The following PELI2 variants were observed in gnomAD, a reference collection of about 807,000 sequenced individuals.
The protein encoded by PELI2 is E3 ubiquitin-protein ligase pellino homolog 2.
In PELI2, 23 loss-of-function variants were observed where a neutral mutation model predicts 42.3. That is an observed-to-expected ratio of 0.54 (90% CI 0.39 to 0.77). The LOEUF (loss-of-function observed/expected upper bound fraction) is 0.77. PELI2 is among the 30% of genes least tolerant of loss of function. The pLI is 0.00. For missense variants in PELI2, 463 were observed against 553.2 expected (o/e 0.84, Z 1.64); for synonymous variants, 245 against 212.2 (o/e 1.15, Z -1.34).
At chr14:56,232,837 C>T (rs1887637600) in intron 2 of PELI2, among the ~76,000 whole-genome samples, 1 of 150,208 alleles carries the variant, frequency 6.7e-6, no homozygotes, top group South Asian at 2.2e-4. Flanking sequence ...TTGCAGATGA[C>T]ATGATTGTCT....
intron 1 of PELI2, among the ~76,000 whole-genome samples, chr14:56,168,272 C>G (rs1405221443): frequency 6.6e-6 from 1 of 150,572 alleles, no homozygotes; most frequent in Non-Finnish European, 1.5e-5. Context: ...TGCCCCCCCC[C>G]AGACCCTGGG....
rs371989404 is a variant in PELI2 at position 56,288,595 on chromosome 14, C to A, written c.468C>A (p.Phe156Leu). Residue 156 changes from phenylalanine (F) to leucine (L), a missense_variant, in exon 4 of 6, where the codon TTC (phenylalanine) becomes TTA (leucine). Physicochemically the swap from Phe to Leu is conservative, Grantham distance 22. Transcript: ENST00000267460. The surrounding 1 kb of genome is among the most constrained non-coding windows in gnomAD (Gnocchi z 4.6). ...DRNEPYTARI[F>L]AAGFDSSKNI... The stretch of plus-strand genomic sequence containing the variant: ...ATGAACCTTACACAGCACGGATATT[C>A]GCCGCCGGATTTGACTCTTCCAAAA... 1.2e-6 allele frequency: 2 copies of A among 1,613,820 alleles called. No homozygotes were observed. Among genetic ancestry groups the A allele is most frequent in the African/African-American group, 2.7e-5 (2 of 75,010 alleles).
intron 1 of PELI2, among the ~76,000 whole-genome samples, chr14:56,123,665 T>C (rs1426409891): frequency 6.6e-6 from 1 of 152,252 alleles, no homozygotes; most frequent in African/African-American, 2.4e-5. Flanking sequence ...ATTAGGTCTT[T>C]TCATTTCTGG....
chr14:56,254,962 C>T lies in PELI2; in HGVS notation c.208-24714C>T, dbSNP rs535966990. Among the ~76,000 whole-genome samples the T allele has an allele frequency of 3.1e-4, 47 of 152,264 alleles. 1 individual carries two copies. Among genetic ancestry groups the T allele is most frequent in the African/African-American group, 1.0e-3 (42 of 41,546 alleles). Reference sequence around the variant, plus strand: ...TACCATCTCACACCAGTTAGAGTGGCGACCATTACAAAGTCAAGAAACAAC... The same window carrying T: ...TACCATCTCACACCAGTTAGAGTGGTGACCATTACAAAGTCAAGAAACAAC... On this transcript the variant is annotated intron_variant, in intron 2 of 5. Coordinates refer to ENST00000267460, the MANE Select transcript of PELI2 (RefSeq NM_021255.3).
chr14:56,272,736 A>G (rs1312450571), intron 2 of PELI2, among the ~76,000 whole-genome samples: 3 of 152,216 alleles, frequency 2.0e-5, no homozygotes, highest in Non-Finnish European at 4.4e-5. Context: ...TCACAATAAA[A>G]ATGCATATTT....
chr14:56,178,850 G>A (rs1321167154), intron 2 of PELI2, among the ~76,000 whole-genome samples: 1 of 152,172 alleles, frequency 6.6e-6, no homozygotes. Flanking sequence ...GAAATGTGAT[G>A]TTCTTTATCC....
intron 1 of PELI2, among the ~76,000 whole-genome samples, chr14:56,127,671 C>A (rs1883324582): frequency 1.3e-5 from 2 of 152,202 alleles, no homozygotes; most frequent in Admixed American, 1.3e-4. Context: ...GGCCTAGAAT[C>A]CACTGGTTAC....
At chr14:56,234,578 A>G (rs1887714226) in intron 2 of PELI2, among the ~76,000 whole-genome samples, 1 of 152,110 alleles carries the variant, frequency 6.6e-6, no homozygotes, top group South Asian at 2.1e-4. Flanking sequence ...AGGGTGGGGA[A>G]CATCGCACAC....
chr14:56,178,324 T>C lies in PELI2; in HGVS notation c.78-11T>C, dbSNP rs1885455572. The C allele has an allele frequency of 1.2e-6, 2 of 1,613,580 alleles. No individual in the cohort carries two copies. The highest frequency in any genetic ancestry group is 1.7e-6 in the Non-Finnish European group (2 of 1,179,660). Reference sequence around the variant, plus strand: ...CTGCAGATAGATGAACTCTTTCCTCTCTGTTTCTAGGTACAATGGTGCTTT... The same window carrying C: ...CTGCAGATAGATGAACTCTTTCCTCCCTGTTTCTAGGTACAATGGTGCTTT... On this transcript the variant is annotated splice_polypyrimidine_tract_variant and intron_variant, in intron 1 of 5. Coordinates refer to ENST00000267460, the MANE Select transcript of PELI2 (RefSeq NM_021255.3).
intron 1 of PELI2, among the ~76,000 whole-genome samples, chr14:56,166,996 A>C (rs11625094): frequency 0.39 from 59,480 of 151,870 alleles, 12,734 homozygotes; most frequent in South Asian, 0.53. Flanking sequence ...TCACCATGTT[A>C]GCCAGGATGG....
At chr14:56,246,691 A>G (rs1473706682) in intron 2 of PELI2, among the ~76,000 whole-genome samples, 1 of 152,180 alleles carries the variant, frequency 6.6e-6, no homozygotes, top group African/African-American at 2.4e-5. Context: ...TTACTTTGCA[A>G]ATAGTTTTGA....
At chr14:56,184,362 CAAATTTG>C (rs1885694381) in intron 2 of PELI2, among the ~76,000 whole-genome samples, 1 of 151,914 alleles carries the variant, frequency 6.6e-6, no homozygotes, top group Admixed American at 6.6e-5. Flanking sequence ...GAGGAACAAA[CAAATTTG>C]AAATGAAACA....
chr14:56,295,453 C>T (rs369613740), intron 5 of PELI2, among the ~76,000 whole-genome samples: 1 of 152,256 alleles, frequency 6.6e-6, no homozygotes, highest in African/African-American at 2.4e-5. Flanking sequence ...TTGGCCTCTC[C>T]TCCTTCTCCC....
chr14:56,235,183 C>T (rs1887745383), intron 2 of PELI2, among the ~76,000 whole-genome samples: 1 of 151,542 alleles, frequency 6.6e-6, no homozygotes, highest in Non-Finnish European at 1.5e-5. Context: ...TCTTTTGCAC[C>T]AACCTAATAG....
chr14:56,298,538 G>C lies in PELI2; in HGVS notation c.*1372G>C, dbSNP rs1037696544. 2.0e-5 allele frequency: 3 copies of C among 152,598 alleles called. No individual in the cohort carries two copies. Among genetic ancestry groups the C allele is most frequent in the Non-Finnish European group, 4.4e-5 (3 of 68,010 alleles). The allele number at this position is 152,598 out of a possible 1,614,324, so 9.5% of individuals were successfully genotyped here. ...ATTTAAACTAATGTTCTCTTAATTTGACCATTGCAGATTTGGGTGACTTTT... is the reference window on the plus strand; with the variant it reads ...ATTTAAACTAATGTTCTCTTAATTTCACCATTGCAGATTTGGGTGACTTTT... On this transcript the variant is annotated 3_prime_UTR_variant, in exon 6 of 6. Coordinates refer to ENST00000267460, the MANE Select transcript of PELI2 (RefSeq NM_021255.3).
intron 2 of PELI2, among the ~76,000 whole-genome samples, chr14:56,278,698 T>C (rs1354939053): frequency 6.6e-6 from 1 of 152,214 alleles, no homozygotes; most frequent in East Asian, 1.9e-4. Context: ...TAGTCAAATA[T>C]AAATGTTTAG....
chr14:56,170,688 C>T (rs377154465), intron 1 of PELI2, among the ~76,000 whole-genome samples: 4 of 152,114 alleles, frequency 2.6e-5, no homozygotes, highest in East Asian at 3.8e-4. Flanking sequence ...TATTAATTCC[C>T]ATTAATATGT....
At chr14:56,187,116 T>G (rs1432616771) in intron 2 of PELI2, among the ~76,000 whole-genome samples, 1 of 152,220 alleles carries the variant, frequency 6.6e-6, no homozygotes, top group East Asian at 1.9e-4. Context: ...CCAGGTGCGC[T>G]ACCCAGGACC....
intron 1 of PELI2, among the ~76,000 whole-genome samples, chr14:56,176,503 A>G (rs773510058): frequency 3.1e-4 from 47 of 152,284 alleles, no homozygotes; most frequent in Middle Eastern, 3.4e-3. Flanking sequence ...TTTTCATTTA[A>G]CATGCTCCCC....
Sources: allele counts gnomAD v4.1 joint callset (sites outside exome capture counted in the v4.1 genomes callset), GRCh38; gene constraint gnomAD v4.1.1; non-coding constraint Gnocchi (gnomAD v3.1); transcripts MANE v1.5; gene names NCBI Gene and HGNC (gene_info 2026-07-23, HGNC 2026-07-21).